Variants in VPS35L observed in about 807,000 individuals in gnomAD.
VPS35L encodes VPS35 endosomal protein-sorting factor-like.
A neutral mutation model predicts 133.0 loss-of-function variants in VPS35L; 83 were observed. The observed-to-expected ratio is 0.62, with a 90% CI of 0.52 to 0.75. The LOEUF is 0.75. Among genes scored for constraint, VPS35L ranks in the 30% least tolerant of loss-of-function variants. The pLI, the probability that VPS35L is intolerant of heterozygous loss-of-function variation, is 0.00. For synonymous variants in VPS35L, 423 were observed against 449.9 expected (o/e 0.94, Z 0.76); for missense variants, 1,083 against 1,206.8 (o/e 0.90, Z 1.52).
At chr16:19,609,302 G>A (rs1972633227) in intron 11 of VPS35L, among the ~76,000 whole-genome samples, 1 of 152,188 alleles carries the variant, frequency 6.6e-6, no homozygotes, top group African/African-American at 2.4e-5. Flanking sequence ...GGCTGTACTG[G>A]TACTAGCTGT....
chr16:19,645,749 G>T lies in VPS35L; in HGVS notation c.1929+800G>T, dbSNP rs113063960. ...GAGTCTCTTTGGATTAACATGGGTCGTGGCCCCAAGCACACCTGGGTGACC... is the reference window on the plus strand; with the variant it reads ...GAGTCTCTTTGGATTAACATGGGTCTTGGCCCCAAGCACACCTGGGTGACC... On this transcript the variant is annotated intron_variant, in intron 23 of 30. Coordinates refer to ENST00000417362, the MANE Select transcript of VPS35L (RefSeq NM_020314.7). Among the ~76,000 whole-genome samples the T allele has an allele frequency of 5.2e-3, 797 of 152,290 alleles. 9 individuals carry two copies. The highest frequency in any genetic ancestry group is 0.018 in the African/African-American group (752 of 41,552).
chr16:19,615,372 G>T (rs1972850879), intron 12 of VPS35L, among the ~76,000 whole-genome samples: 1 of 152,094 alleles, frequency 6.6e-6, no homozygotes, highest in Non-Finnish European at 1.5e-5. Flanking sequence ...AAATCAGGCT[G>T]GGCGTGGTGG....
chr16:19,587,061 C>A (rs946619658), intron 7 of VPS35L, among the ~76,000 whole-genome samples: 5 of 151,870 alleles, frequency 3.3e-5, no homozygotes, highest in African/African-American at 9.7e-5. Flanking sequence ...AAAGGGGAAG[C>A]AGGTACATCT....
At chr16:19,666,919 T>TCTTCCTTTCTTCCTTTCTTCCTTTCTTC (rs1436416834) in intron 26 of VPS35L, among the ~76,000 whole-genome samples, 27 of 90,222 alleles carry the variant, frequency 3.0e-4, no homozygotes, top group African/African-American at 1.5e-3. Flanking sequence ...TTTCTTTCTT[T>TCTTCCTTTCTTCCTTTCTTCCTTTCTTC]CTTTCTTTCT....
intron 29 of VPS35L, among the ~76,000 whole-genome samples, chr16:19,693,287 CG>C (rs201539898): frequency 2.6e-5 from 4 of 151,040 alleles, no homozygotes; most frequent in Admixed American, 6.6e-5. Flanking sequence ...GTGTGTGTTG[CG>C]GGGGGGCAGG....
At chr16:19,665,925 TC>T (rs1204947624) in intron 26 of VPS35L, among the ~76,000 whole-genome samples, 7 of 152,204 alleles carry the variant, frequency 4.6e-5, no homozygotes, top group African/African-American at 1.7e-4. Flanking sequence ...ATTTCTCTGA[TC>T]AATGATGTTG....
intron 18 of VPS35L, among the ~76,000 whole-genome samples, chr16:19,632,817 G>C (rs1267583728): frequency 6.6e-6 from 1 of 152,246 alleles, no homozygotes; most frequent in African/African-American, 2.4e-5. Flanking sequence ...GAGAGGCACG[G>C]CCGATTCAAC....
At position 19,632,950 on chromosome 16, in the gene VPS35L, C is replaced by T. The variant is rs771139165; in HGVS notation, c.1555-142C>T. The T allele has an allele frequency of 1.9e-4, 128 of 685,898 alleles. 1 individual carries two copies. The East Asian group carries it at 2.1e-3, about 11-fold the overall frequency. The allele number at this position is 685,898 out of a possible 1,614,324, so 42.5% of individuals were successfully genotyped here. A position where few individuals can be genotyped will look rare whatever the true frequency, so the allele number is the denominator to read the frequency against. On this transcript the variant is annotated intron_variant, in intron 18 of 30. Coordinates refer to ENST00000417362, the MANE Select transcript of VPS35L (RefSeq NM_020314.7). ...GATATGAGTGAGATTTCCTCCCTTC[C>T]GTTATTTTCAGCAGAATACTGAAAT...
intron 27 of VPS35L, among the ~76,000 whole-genome samples, chr16:19,680,770 C>T (rs138460775): frequency 3.3e-5 from 5 of 152,134 alleles, no homozygotes; most frequent in African/African-American, 4.8e-5. Flanking sequence ...ATTCGCCAAG[C>T]GTGGTGGTAT....
chr16:19,609,211 A>G (rs529618454), intron 11 of VPS35L, among the ~76,000 whole-genome samples, 190 bp downstream of exon 11: 1 of 152,310 alleles, frequency 6.6e-6, no homozygotes, highest in South Asian at 2.1e-4. Flanking sequence ...CCTAATCCCC[A>G]TATTAGAGAG....
At chr16:19,573,014 T>G in intron 3 of VPS35L, 105 bp from the exon 4 acceptor site, 1 of 1,277,570 alleles carries the variant, frequency 7.8e-7, no homozygotes, top group Non-Finnish European at 1.1e-6. Context: ...GAGACAAATC[T>G]CTTTTATTCC....
At position 19,647,797 on chromosome 16, in the gene VPS35L, G is replaced by A. The variant is rs756841199; in HGVS notation, c.1943G>A (p.Arg648His). The A allele has an allele frequency of 1.1e-5, 17 of 1,613,792 alleles. No individual in the cohort carries two copies. Among genetic ancestry groups the A allele is most frequent in the South Asian group, 3.3e-5 (3 of 91,074 alleles). Residue 648 changes from arginine (R) to histidine (H), a missense_variant, in exon 24 of 31, where the codon CGT becomes CAT. Physicochemically the swap from Arg to His is conservative, Grantham distance 29. Coordinates refer to ENST00000417362, the MANE Select transcript of VPS35L (RefSeq NM_020314.7). ...CCTTGATTCTAGGTTTCCTTTGGCC[G>A]TGATTTTGAACAACAGCTGAGTTTT... Reference protein sequence around the residue: ...NGFIKMVSFGRDFEQQLSFYV... With the variant: ...NGFIKMVSFGHDFEQQLSFYV...
chr16:19,577,315 G>C (rs1424706526), intron 5 of VPS35L, among the ~76,000 whole-genome samples: 1 of 152,126 alleles, frequency 6.6e-6, no homozygotes, highest in Non-Finnish European at 1.5e-5. Flanking sequence ...GAGAGAGGGA[G>C]AAAATGCCAG....
intron 22 of VPS35L, among the ~76,000 whole-genome samples, chr16:19,643,727 C>T (rs1467483072): frequency 6.6e-6 from 1 of 151,894 alleles, no homozygotes; most frequent in Admixed American, 6.6e-5. Flanking sequence ...GAGTGGATCA[C>T]CTGAGGTCAG....
intron 14 of VPS35L, chr16:19,617,065 A>G (rs1390756820): frequency 1.6e-6 from 1 of 619,714 alleles, no homozygotes; most frequent in Non-Finnish European, 2.9e-6. Context: ...ACACAGCTAG[A>G]AAGCAGTTTG....
At position 19,569,153 on chromosome 16, in the gene VPS35L, C is replaced by T. The variant is rs1362748616; in HGVS notation, c.118-271C>T. Reference sequence around the variant, plus strand: ...TTTTGGTTTGCTACATAGGGAACCCCAGGTGCTGTAGCCATCTCAGTCCAG... The same window carrying T: ...TTTTGGTTTGCTACATAGGGAACCCTAGGTGCTGTAGCCATCTCAGTCCAG... On this transcript the variant is annotated intron_variant, in intron 2 of 30. Transcript: ENST00000417362. 6.4e-6 allele frequency: 4 copies of T among 625,940 alleles called. No individual in the cohort carries two copies. In the Admixed American group the frequency reaches 8.5e-5, roughly 13 times the overall value. 38.8% of individuals were successfully genotyped at this position (625,940 alleles called of 1,614,324 possible).
intron 26 of VPS35L, among the ~76,000 whole-genome samples, chr16:19,657,536 T>C (rs1245719691): frequency 6.6e-6 from 1 of 152,196 alleles, no homozygotes; most frequent in African/African-American, 2.4e-5. Flanking sequence ...CAAGTAAATA[T>C]GTAAGTAGTT....
intron 1 of VPS35L, among the ~76,000 whole-genome samples, chr16:19,557,246 A>G (rs1293537214): frequency 6.6e-6 from 1 of 152,268 alleles, no homozygotes; most frequent in Non-Finnish European, 1.5e-5. Context: ...CAGAAAATCC[A>G]GGAAGATGCT....
intron 1 of VPS35L, among the ~76,000 whole-genome samples, chr16:19,557,372 A>C (rs11644848): frequency 0.37 from 55,620 of 151,962 alleles, 11,728 homozygotes; most frequent in African/African-American, 0.57. Flanking sequence ...AGTTCCTAAT[A>C]TGGCCGTGCT....
Sources: gnomAD v4.1 joint callset for allele counts (sites outside exome capture counted in the v4.1 genomes callset) on GRCh38, gnomAD v4.1.1 for gene constraint, MANE v1.5 for transcripts, NCBI Gene and HGNC (gene_info 2026-07-23, HGNC 2026-07-21) for gene names.